The following SAMTOR variants were observed in gnomAD, a reference collection of about 807,000 sequenced individuals.
SAMTOR encodes UPF0532 protein C7orf60.
the SAMTOR span, among the ~76,000 whole-genome samples, chr7:112,926,232 G>T: frequency 6.6e-6 from 1 of 152,066 alleles, no homozygotes; most frequent in African/African-American, 2.4e-5. Flanking sequence ...GAGGACAAAG[G>T]GTGTGCTATG....
the SAMTOR span, among the ~76,000 whole-genome samples, chr7:112,855,861 G>C: frequency 1.3e-5 from 2 of 151,930 alleles, no homozygotes; most frequent in East Asian, 3.9e-4. Flanking sequence ...TTTTGGAAGC[G>C]GGGGCATCTT....
chr7:112,901,034 T>C, the SAMTOR span, among the ~76,000 whole-genome samples: 1 of 152,318 alleles, frequency 6.6e-6, no homozygotes, highest in African/African-American at 2.4e-5. Context: ...AAAAAATTGA[T>C]AAGCTGAACG....
At chr7:112,915,186 C>T in the SAMTOR span, 17 of 915,900 alleles carry the variant, frequency 1.9e-5, no homozygotes, top group South Asian at 1.2e-4. Context: ...TGCAGTGAGC[C>T]GAGATCACGC....
the SAMTOR span, among the ~76,000 whole-genome samples, chr7:112,834,228 G>A: frequency 2.6e-5 from 4 of 152,132 alleles, no homozygotes; most frequent in Admixed American, 1.3e-4. Context: ...TCAAATTCAT[G>A]AACATGAATA....
At chr7:112,837,639 C>A in the SAMTOR span, among the ~76,000 whole-genome samples, 15 of 151,870 alleles carry the variant, frequency 9.9e-5, no homozygotes, top group East Asian at 1.7e-3. Context: ...AATTTGGTTT[C>A]TATATATTAT....
chr7:112,939,753 C>G, the SAMTOR span: 1 of 1,590,370 alleles, frequency 6.3e-7, no homozygotes, highest in African/African-American at 1.3e-5. Context: ...GGCTCCATAT[C>G]GCAGCCGCCG....
At chr7:112,924,720 A>C in the SAMTOR span, among the ~76,000 whole-genome samples, 2 of 152,200 alleles carry the variant, frequency 1.3e-5, no homozygotes, top group Non-Finnish European at 1.5e-5. Context: ...CTAGATTCTC[A>C]AATAAAAATT....
the SAMTOR span, among the ~76,000 whole-genome samples, chr7:112,874,881 T>C: frequency 2.6e-5 from 4 of 152,180 alleles, no homozygotes; most frequent in Admixed American, 6.5e-5. Context: ...TCAACTTTTA[T>C]GTAAAAAAGC....
At chr7:112,857,240 C>T in the SAMTOR span, among the ~76,000 whole-genome samples, 9 of 150,454 alleles carry the variant, frequency 6.0e-5, no homozygotes, top group Non-Finnish European at 1.3e-4. Flanking sequence ...TACAGGCGCC[C>T]ACCACCGCGC....
the SAMTOR span, among the ~76,000 whole-genome samples, chr7:112,887,518 G>C: frequency 6.6e-6 from 1 of 152,098 alleles, no homozygotes; most frequent in Non-Finnish European, 1.5e-5. Context: ...TAGAGAACTG[G>C]TATTCTTCCT....
At chr7:112,918,334 A>T in the SAMTOR span, among the ~76,000 whole-genome samples, 1 of 152,236 alleles carries the variant, frequency 6.6e-6, no homozygotes, top group Non-Finnish European at 1.5e-5. Flanking sequence ...AGAATTTCAT[A>T]TGCAGCCAAA....
the SAMTOR span, among the ~76,000 whole-genome samples, chr7:112,831,193 A>G: frequency 6.6e-6 from 1 of 152,160 alleles, no homozygotes; most frequent in African/African-American, 2.4e-5. Context: ...ATTTTGTAAA[A>G]ATTTTTATGT....
chr7:112,859,984 C>T, the SAMTOR span, among the ~76,000 whole-genome samples: 1 of 152,172 alleles, frequency 6.6e-6, no homozygotes, highest in Admixed American at 6.5e-5. Flanking sequence ...CACTCATTCA[C>T]TCTCACCCAG....
At chr7:112,869,901 G>C in the SAMTOR span, among the ~76,000 whole-genome samples, 1 of 152,172 alleles carries the variant, frequency 6.6e-6, no homozygotes, top group Non-Finnish European at 1.5e-5. Context: ...AAATTCACTA[G>C]AGGAATTTCA....
At chr7:112,824,574 G>A in the SAMTOR span, among the ~76,000 whole-genome samples, 2 of 152,040 alleles carry the variant, frequency 1.3e-5, no homozygotes, top group African/African-American at 4.8e-5. Context: ...TATTGGCCAG[G>A]CTGGTCTCGA....
the SAMTOR span, among the ~76,000 whole-genome samples, chr7:112,876,642 T>G: frequency 6.6e-6 from 1 of 152,152 alleles, no homozygotes; most frequent in African/African-American, 2.4e-5. Context: ...TTAAAGAGTA[T>G]CTTTCAACCC....
At chr7:112,905,801 C>T in the SAMTOR span, among the ~76,000 whole-genome samples, 3 of 152,018 alleles carry the variant, frequency 2.0e-5, no homozygotes, top group Non-Finnish European at 2.9e-5. Flanking sequence ...TATATACACA[C>T]ATCAGCCAAA....
At chr7:112,926,618 GAAGTA>G in the SAMTOR span, among the ~76,000 whole-genome samples, 13 of 152,172 alleles carry the variant, frequency 8.5e-5, no homozygotes, top group Admixed American at 8.5e-4. Context: ...TTCATAAAGT[GAAGTA>G]TACTTAAATA....
At chr7:112,859,261 G>A in the SAMTOR span, among the ~76,000 whole-genome samples, 4 of 152,072 alleles carry the variant, frequency 2.6e-5, no homozygotes, top group Admixed American at 6.6e-5. Flanking sequence ...ACATAACAAC[G>A]TTTTCAGTCA....
Sources: gnomAD v4.1 joint callset for allele counts (sites outside exome capture counted in the v4.1 genomes callset) on GRCh38, gnomAD v4.1.1 for gene constraint, MANE v1.5 for transcripts, NCBI Gene and HGNC (gene_info 2026-07-23, HGNC 2026-07-21) for gene names.